PLPBP: variants seen among roughly 807,000 people sequenced by gnomAD.
The protein encoded by PLPBP is pyridoxal phosphate binding protein, also known as pyridoxal phosphate homeostasis protein.
In PLPBP, 21 loss-of-function variants were observed where a neutral mutation model predicts 31.2. The ratio of observed to expected loss-of-function variants is 0.67; its 90% CI spans 0.48 to 0.97. PLPBP has a LOEUF of 0.97. Among genes scored for constraint, PLPBP ranks in the 50% least tolerant of loss-of-function variants. PLPBP has a pLI of 0.00. For synonymous variants in PLPBP, 124 were observed against 135.6 expected, an observed-to-expected ratio of 0.91 and a Z score of 0.59; for missense variants, 308 against 354.4, an observed-to-expected ratio of 0.87 and a Z score of 1.05.
At chr8:37,764,143 C>G (rs896255677) in intron 1 of PLPBP, among the ~76,000 whole-genome samples, 1 of 150,820 alleles carries the variant, frequency 6.6e-6, no homozygotes, top group Non-Finnish European at 1.5e-5. Context: ...CGTTCTGTCG[C>G]CCAGGCTGGA....
rs141381050 is a variant in PLPBP at position 37,770,452 on chromosome 8, A to G, written c.320-2303A>G. On this transcript the variant is annotated intron_variant, in intron 4 of 7. Transcript: ENST00000328195. ...TGCAGAAGAATAAAACTAGACTCCT[A>G]TCTCTCACCATGTACAAAAATCAAA... 8.5e-4 allele frequency among the ~76,000 whole-genome samples: 130 copies of G among 152,370 alleles called. 3 individuals carry two copies. The East Asian group carries it at 0.024, about 28-fold the overall frequency.
chr8:37,776,205 C>T (rs542055400), intron 7 of PLPBP, among the ~76,000 whole-genome samples, 189 bp downstream of exon 7: 8 of 152,186 alleles, frequency 5.3e-5, no homozygotes, highest in Middle Eastern at 3.4e-3. Context: ...GAGCCAGGTG[C>T]GGTGGCGCAC....
rs1335355596 is a variant in PLPBP, at chr8:37,775,998, C to T, written c.678C>T (p.Ser226=). 7 of 1,613,608 alleles carry T rather than the reference C, an allele frequency of 4.3e-6. No homozygotes were observed. Among genetic ancestry groups the T allele is most frequent in the African/African-American group, 4.0e-5 (3 of 74,882 alleles). Residue 226 remains serine, a synonymous_variant, in exon 7 of 8, where the codon TCC becomes TCT. Transcript: ENST00000328195. ...ADQVELSMGM[S]ADFQHAVEVG... ...AGGTTGAGCTGAGCATGGGCATGTC[C>T]GCGGATTTCCAGCATGCGGTGAGTG...
chr8:37,766,281 TTCTG>T lies in PLPBP; in HGVS notation c.249_252del (p.Ser84CysfsTer21), dbSNP rs1323938116. 11 of 1,606,586 alleles carry T rather than the reference TTCTG, an allele frequency of 6.8e-6. No individual in the cohort carries two copies. The highest frequency in any genetic ancestry group is 2.2e-5 in the East Asian group (1 of 44,508). ...ACATGGTTACCTTTTTCCCCTCAGA[TTCTG>T]TCTTTGTGTCCTGAGATCAAATGGC... On this transcript the variant is annotated frameshift_variant and splice_region_variant, in exon 4 of 8. Coordinates refer to ENST00000328195, the MANE Select transcript of PLPBP (RefSeq NM_007198.4). LOFTEE classifies it high-confidence loss of function.
At position 37,778,241 on chromosome 8, in the gene PLPBP, G is replaced by A; in HGVS notation, c.*137G>A. 9.0e-7 allele frequency: 1 copy of A among 1,106,754 alleles called. No individual in the cohort carries two copies. The highest frequency in any genetic ancestry group is 1.2e-6 in the Non-Finnish European group (1 of 801,346). 68.6% of individuals were successfully genotyped at this position (1,106,754 alleles called of 1,614,324 possible). A position where few individuals can be genotyped will look rare whatever the true frequency, so the allele number is the denominator to read the frequency against. The stretch of plus-strand genomic sequence containing the variant: ...TCACGTGTGTTGATGGAAACCATCT[G>A]TGCTTAGTCTCTGACATAGGAAGCT... On this transcript the variant is annotated 3_prime_UTR_variant, in exon 8 of 8. Transcript: ENST00000328195.
chr8:37,764,086 T>G (rs868218116), intron 1 of PLPBP, among the ~76,000 whole-genome samples: 1 of 151,550 alleles, frequency 6.6e-6, no homozygotes, highest in Non-Finnish European at 1.5e-5. Context: ...TTTTTTTTTT[T>G]TTGTTGTGTT....
At chr8:37,769,703 G>A (rs932315304) in intron 4 of PLPBP, among the ~76,000 whole-genome samples, 16 of 152,070 alleles carry the variant, frequency 1.1e-4, no homozygotes, top group Admixed American at 5.2e-4. Flanking sequence ...GTACTCCTTC[G>A]TCTTACCAGG....
At chr8:37,766,896 A>G (rs1803644306) in intron 4 of PLPBP, among the ~76,000 whole-genome samples, 2 of 151,818 alleles carry the variant, frequency 1.3e-5, no homozygotes, top group Admixed American at 6.6e-5. Context: ...ATGCAAAAAA[A>G]TAGCTGAGCG....
intron 5 of PLPBP, among the ~76,000 whole-genome samples, chr8:37,774,078 G>C (rs1803842385): frequency 6.6e-6 from 1 of 152,066 alleles, no homozygotes; most frequent in Non-Finnish European, 1.5e-5. Context: ...AGGCATGATG[G>C]TGTGCACCCA....
chr8:37,763,669 A>C (rs1803543569), intron 1 of PLPBP, among the ~76,000 whole-genome samples: 1 of 152,164 alleles, frequency 6.6e-6, no homozygotes, highest in Admixed American at 6.5e-5. Context: ...TCTCTCAGGG[A>C]AACTCTCAGG....
In PLPBP at chr8:37,762,716, G is replaced by A; in HGVS notation, c.57G>A (p.Ala19=). The A allele has an allele frequency of 2.5e-6, 4 of 1,589,396 alleles. No homozygotes were observed. The highest frequency in any genetic ancestry group is 3.4e-6 in the Non-Finnish European group (4 of 1,172,570). The change falls in exon 1 of 8, where the codon GCG becomes GCA. Residue 19 remains alanine, a synonymous_variant. Coordinates refer to ENST00000328195, the MANE Select transcript of PLPBP (RefSeq NM_007198.4). ...AELGVGCALR[A]VNERVQQAVA... is the part of the protein sequence containing the mutation. ...TGGGAGTCGGGTGCGCATTGCGGGC[G>A]GTGAACGAGCGCGTGCAGCAGGCTG...
chr8:37,771,524 G>A (rs1339587305), intron 4 of PLPBP, among the ~76,000 whole-genome samples: 1 of 152,012 alleles, frequency 6.6e-6, no homozygotes, highest in Non-Finnish European at 1.5e-5. Flanking sequence ...GGCCTCAAGT[G>A]ATCTGCCCTC....
chr8:37,771,420 G>A (rs561947335), intron 4 of PLPBP, among the ~76,000 whole-genome samples: 9 of 152,000 alleles, frequency 5.9e-5, no homozygotes, highest in Non-Finnish European at 1.2e-4. Flanking sequence ...GATTACAGGC[G>A]TGAGCCACAA....
chr8:37,775,807 C>A (rs1233639772), intron 6 of PLPBP, 111 bp from the exon 7 acceptor site: 3 of 1,161,552 alleles, frequency 2.6e-6, no homozygotes, highest in Non-Finnish European at 3.7e-6. Context: ...TTTTGGCAGG[C>A]CTTGAAATCA....
intron 6 of PLPBP, 23 bp from the exon 7 acceptor site, chr8:37,775,895 T>C: frequency 6.3e-7 from 1 of 1,576,606 alleles, no homozygotes; most frequent in Non-Finnish European, 8.7e-7. Context: ...AGGAGTAAAA[T>C]AGGTGTCATC....
At chr8:37,768,016 A>G (rs1803679524) in intron 4 of PLPBP, among the ~76,000 whole-genome samples, 1 of 151,964 alleles carries the variant, frequency 6.6e-6, no homozygotes, top group African/African-American at 2.4e-5. Context: ...CATATTGGCC[A>G]GGCTGGTCTC....
chr8:37,776,821 C>T (rs1040480345), intron 7 of PLPBP, among the ~76,000 whole-genome samples: 14 of 152,004 alleles, frequency 9.2e-5, no homozygotes, highest in Non-Finnish European at 1.9e-4. Context: ...GGCCGGAGTG[C>T]AGTGGCGCGA....
chr8:37,765,576 T>G lies in PLPBP; in HGVS notation c.150T>G (p.Pro50=), dbSNP rs553366319. 1.1e-5 allele frequency: 18 copies of G among 1,614,032 alleles called. No individual in the cohort carries two copies. The African/African-American group carries it at 2.4e-4, about 22-fold the overall frequency. The part of the protein sequence containing the change: ...PRLVAVSKTK[P]ADMVIEAYGH... The stretch of plus-strand genomic sequence containing the variant: ...TAGTGGCGGTCAGCAAAACCAAACC[T>G]GCAGACATGGTGATCGAGGCCTATG... Residue 50 remains proline, a synonymous_variant, in exon 2 of 8, where the codon CCT becomes CCG. Coordinates refer to ENST00000328195, the MANE Select transcript of PLPBP (RefSeq NM_007198.4).
chr8:37,772,782 CAG>C lies in PLPBP; in HGVS notation c.348_349del (p.Val117GlyfsTer20). The C allele has an allele frequency of 6.2e-7, 1 of 1,614,198 alleles. No individual in the cohort carries two copies. On this transcript the variant is annotated frameshift_variant, in exon 5 of 8. Coordinates refer to ENST00000328195, the MANE Select transcript of PLPBP (RefSeq NM_007198.4). LOFTEE classifies it high-confidence loss of function. The stretch of plus-strand genomic sequence containing the variant: ...GTCCCCAATCTCTTCATGCTGGAAA[CAG>C]TGGATTCTGTGAAGTTGGCAGACAA...
Sources: allele counts gnomAD v4.1 joint callset (sites outside exome capture counted in the v4.1 genomes callset), GRCh38; gene constraint gnomAD v4.1.1; transcripts MANE v1.5; gene names NCBI Gene and HGNC (gene_info 2026-07-23, HGNC 2026-07-21).